Variants in MYO7A observed in about 807,000 individuals in gnomAD.
MYO7A encodes the protein myosin VIIA.
MYO7A carries 210 observed loss-of-function variants against 263.8 expected under a neutral mutation model. The ratio of observed to expected loss-of-function variants is 0.80; its 90% confidence interval spans 0.71 to 0.89. The LOEUF (loss-of-function observed/expected upper bound fraction) is 0.89. Ranked by LOEUF, MYO7A falls within the 40% of genes least tolerant of loss-of-function variation. MYO7A has a pLI of 0.00. For missense variants in MYO7A, 2,820 were observed against 2,968.3 expected, an observed-to-expected ratio of 0.95 and a Z score of 1.16; for synonymous variants, 1,239 against 1,197.3, an observed-to-expected ratio of 1.03 and a Z score of -0.72.
chr11:77,181,520 G>C lies in MYO7A; in HGVS notation c.2835G>C (p.Lys945Asn), dbSNP rs1808149816. The change falls in exon 23 of 49, where the codon AAG becomes AAC. Residue 945 changes from lysine to asparagine, a missense_variant. Transcript: ENST00000409709. ...TCAATCACTCAGACATGGTGGACAA[G>C]ATGTTTGGCTTCCTGGGGACTTCAG... ...EPVNHSDMVD[K>N]MFGFLGTSGG... The C allele has an allele frequency of 6.2e-7, 1 of 1,613,610 alleles. No homozygotes were observed. The highest frequency in any genetic ancestry group is 8.5e-7 in the Non-Finnish European group (1 of 1,179,890).
rs1957181023 is a variant in MYO7A at position 77,203,062 on chromosome 11, C to T, written c.5171C>T (p.Pro1724Leu). 6.5e-7 allele frequency: 1 copy of T among 1,547,742 alleles called. No individual in the cohort carries two copies. The highest frequency in any genetic ancestry group is 8.7e-7 in the Non-Finnish European group (1 of 1,146,628). The change falls in exon 38 of 49, where the codon CCC becomes CTC. Residue 1724 changes from proline (P) to leucine (L), a missense_variant and splice_region_variant. By Grantham distance (98) the Pro-to-Leu change is moderately conservative. Coordinates refer to ENST00000409709, the MANE Select transcript of MYO7A (RefSeq NM_000260.4). Reference sequence around the variant, plus strand: ...TGACGGTCCCTGTGCTGCGGCAGGCCCCCACCCAAGCACACGCTGAGCCGT... The same window carrying T: ...TGACGGTCCCTGTGCTGCGGCAGGCTCCCACCCAAGCACACGCTGAGCCGT... ...LEEFSYDYFR[P>L]PPKHTLSRVM...
chr11:77,145,886 G>A (rs911129743), intron 3 of MYO7A, among the ~76,000 whole-genome samples: 1 of 152,196 alleles, frequency 6.6e-6, no homozygotes, highest in African/African-American at 2.4e-5. Flanking sequence ...TGAGGGGGCT[G>A]GAATGGGGGA....
chr11:77,187,753 G>A (rs1479465354), intron 27 of MYO7A, among the ~76,000 whole-genome samples: 6 of 152,346 alleles, frequency 3.9e-5, no homozygotes, highest in East Asian at 1.9e-4. Flanking sequence ...CAGGTCTGTC[G>A]GGAGAGCTGA....
In MYO7A at chr11:77,184,570, C is replaced by G. The variant is rs1955519130; in HGVS notation, c.3376-18C>G. ...ACACCCCTAACTTTACCTGCCCTGT[C>G]CTCTCCCTCTGGCCCAGGTGACCAA... On this transcript the variant is annotated intron_variant, in intron 26 of 48. Coordinates refer to ENST00000409709, the MANE Select transcript of MYO7A (RefSeq NM_000260.4). 11 of 1,554,520 alleles carry G rather than the reference C, an allele frequency of 7.1e-6. No individual in the cohort carries two copies. The highest frequency in any genetic ancestry group is 1.4e-5 in the African/African-American group (1 of 73,284).
At chr11:77,166,556 C>T (rs1209037784) in intron 15 of MYO7A, among the ~76,000 whole-genome samples, 3 of 152,190 alleles carry the variant, frequency 2.0e-5, no homozygotes, top group Non-Finnish European at 4.4e-5. Flanking sequence ...GAGGGCATGT[C>T]TGTGCCAGCC....
intron 21 of MYO7A, 36 bp downstream of exon 21, chr11:77,179,989 C>T (rs1399288523): frequency 8.0e-6 from 12 of 1,497,366 alleles, no homozygotes; most frequent in Non-Finnish European, 1.1e-5. Context: ...ACAGCTCTGA[C>T]CCCTGGGCGA....
rs188259192 is a variant in MYO7A at position 77,213,280 on chromosome 11, G to A, written c.6438+245G>A. Among the ~76,000 whole-genome samples, 282 of 152,336 alleles carry A rather than the reference G, an allele frequency of 1.9e-3. 2 individuals are homozygous for A. The highest frequency in any genetic ancestry group is 6.5e-3 in the African/African-American group (270 of 41,578). ...GAATGTGAACTCCCTTTAGTACTTGGCCTTTCAGTATCACTGGATGCTCTG... is the reference window on the plus strand; with the variant it reads ...GAATGTGAACTCCCTTTAGTACTTGACCTTTCAGTATCACTGGATGCTCTG... On this transcript the variant is annotated intron_variant, in intron 47 of 48. Transcript: ENST00000409709.
At position 77,179,858 on chromosome 11, in the gene MYO7A, A is replaced by G; in HGVS notation, c.2491A>G (p.Lys831Glu). 6.5e-7 allele frequency: 1 copy of G among 1,541,806 alleles called. No individual in the cohort carries two copies. Among genetic ancestry groups the G allele is most frequent in the Non-Finnish European group, 8.7e-7 (1 of 1,146,792 alleles). Residue 831 changes from lysine to glutamate, a missense_variant, in exon 21 of 49, where the codon AAG (lysine) becomes GAG (glutamate). Lys to Glu is a moderately conservative substitution (Grantham distance 56). Coordinates refer to ENST00000409709, the MANE Select transcript of MYO7A (RefSeq NM_000260.4). ...QARCRAYLVRKAFRHRLWAVL... is the reference protein window; with the variant it reads ...QARCRAYLVREAFRHRLWAVL... ...CCGCTGCCGCGCCTATCTGGTGCGC[A>G]AGGCCTTCCGCCACCGCCTCTGGGC...
chr11:77,182,297 G>T, intron 24 of MYO7A, 127 bp from the exon 25 acceptor site: 1 of 1,434,150 alleles, frequency 7.0e-7, no homozygotes. Flanking sequence ...CTTCACTGCG[G>T]TGCCCAGCCT....
intron 25 of MYO7A, 106 bp downstream of exon 25, chr11:77,182,706 A>C (rs1474469863): frequency 2.4e-6 from 3 of 1,248,112 alleles, no homozygotes; most frequent in Non-Finnish European, 3.4e-6. Flanking sequence ...CCTATAATTC[A>C]TCTCTGCCTC....
chr11:77,142,583 C>T lies in MYO7A; in HGVS notation c.19-126C>T, dbSNP rs576745653. On this transcript the variant is annotated intron_variant, in intron 2 of 48. Transcript: ENST00000409709. ...GAAGGTTGCTAGTAAGTGTGAGTCC[C>T]CTTCTCTTCCCCCTTGTGTGGTTGG... The T allele has an allele frequency of 8.2e-5, 67 of 813,454 alleles. No individual in the cohort carries two copies. The African/African-American group carries it at 8.9e-4, about 11-fold the overall frequency. 50.4% of individuals were successfully genotyped at this position (813,454 alleles called of 1,614,324 possible). A position where few individuals can be genotyped will look rare whatever the true frequency, so the allele number is the denominator to read the frequency against.
chr11:77,180,151 C>T (rs1955054577), intron 21 of MYO7A, among the ~76,000 whole-genome samples, 198 bp downstream of exon 21: 1 of 152,232 alleles, frequency 6.6e-6, no homozygotes, highest in Non-Finnish European at 1.5e-5. Flanking sequence ...ACCTCAGTCA[C>T]TCTTGGGAAT....
intron 12 of MYO7A, 81 bp from the exon 13 acceptor site, chr11:77,162,039 T>C: frequency 7.6e-7 from 1 of 1,308,624 alleles, no homozygotes; most frequent in Non-Finnish European, 1.1e-6. Flanking sequence ...ATGGCCATGC[T>C]GCAGGTGGAG....
At chr11:77,159,388 C>T in intron 9 of MYO7A, 59 bp from the exon 10 acceptor site, 1 of 1,497,356 alleles carries the variant, frequency 6.7e-7, no homozygotes, top group Non-Finnish European at 9.2e-7. Flanking sequence ...TTAGGACTGT[C>T]CCCTTGCCCC....
intron 31 of MYO7A, among the ~76,000 whole-genome samples, chr11:77,193,146 G>A (rs1289767829): frequency 1.4e-5 from 2 of 145,710 alleles, no homozygotes; most frequent in African/African-American, 2.7e-5. Context: ...GTTGGTGATC[G>A]TGGAGGTAGC....
At chr11:77,159,956 G>A (rs1952832639) in intron 10 of MYO7A, among the ~76,000 whole-genome samples, 1 of 152,232 alleles carries the variant, frequency 6.6e-6, no homozygotes, top group Non-Finnish European at 1.5e-5. Flanking sequence ...AGTTAAGCGG[G>A]GCTGTCAAGG....
chr11:77,162,012 A>G lies in MYO7A; in HGVS notation c.1344-108A>G, dbSNP rs1953045834. On this transcript the variant is annotated intron_variant, in intron 12 of 48. Transcript: ENST00000409709. Reference sequence around the variant, plus strand: ...CTCGCCTCTGAGTTTGGAGTCCATGATGGGGATAGCTTGCTAATGGCCATG... The same window carrying G: ...CTCGCCTCTGAGTTTGGAGTCCATGGTGGGGATAGCTTGCTAATGGCCATG... 4.9e-6 allele frequency: 5 copies of G among 1,020,718 alleles called. No individual in the cohort carries two copies. In the Admixed American group the frequency reaches 6.4e-5, roughly 13 times the overall value. The allele number at this position is 1,020,718 out of a possible 1,614,324, so 63.2% of individuals were successfully genotyped here. A position where few individuals can be genotyped will look rare whatever the true frequency, so the allele number is the denominator to read the frequency against.
At chr11:77,211,105 C>A in intron 44 of MYO7A, 47 bp from the exon 45 acceptor site, 1 of 1,485,516 alleles carries the variant, frequency 6.7e-7, no homozygotes, top group South Asian at 1.3e-5. Context: ...AAGGAGCCCA[C>A]TTCTGCCAGG....
In MYO7A at chr11:77,189,456, G is replaced by A. The variant is rs201729482; in HGVS notation, c.3616G>A (p.Glu1206Lys). The change falls in exon 28 of 49, where the codon GAG (glutamate) becomes AAG (lysine). Residue 1206 changes from glutamate (E) to lysine (K), a missense_variant. Physicochemically the swap from Glu to Lys is moderately conservative, Grantham distance 56. Coordinates refer to ENST00000409709, the MANE Select transcript of MYO7A (RefSeq NM_000260.4). ...SLCVGCFAPS[E>K]KFVKYLRNFI... ...CTGCGTGGGCTGTTTCGCCCCCTCC[G>A]AGAAGTTTGTCAAGGTAGGAAGGTG... The A allele has an allele frequency of 1.7e-5, 27 of 1,613,712 alleles. No homozygotes were observed. The highest frequency in any genetic ancestry group is 9.9e-5 in the South Asian group (9 of 91,080).
Sources: gnomAD v4.1 joint callset for allele counts (sites outside exome capture counted in the v4.1 genomes callset) on GRCh38, gnomAD v4.1.1 for gene constraint, MANE v1.5 for transcripts, NCBI Gene and HGNC (gene_info 2026-07-23, HGNC 2026-07-21) for gene names.